ARHGAP10: variants seen among roughly 807,000 people sequenced by gnomAD.
ARHGAP10 encodes rho GTPase-activating protein 10.
Under a neutral mutation model 108.6 loss-of-function variants are expected in ARHGAP10, and 87 were observed. The ratio of observed to expected loss-of-function variants is 0.80; its 90% confidence interval spans 0.67 to 0.96. ARHGAP10 has a LOEUF of 0.96. Among genes scored for constraint, ARHGAP10 ranks in the 40% least tolerant of loss-of-function variants. ARHGAP10 has a pLI of 0.00. For synonymous variants in ARHGAP10, 347 were observed against 341.1 expected (o/e 1.02, Z -0.19); for missense variants, 939 against 954.5 (o/e 0.98, Z 0.21).
chr4:148,063,336 C>G, intron 21 of ARHGAP10, 36 bp downstream of exon 21: 1 of 1,612,484 alleles, frequency 6.2e-7, no homozygotes, highest in Non-Finnish European at 8.5e-7. Context: ...AATATGGTGG[C>G]AGCACACACA....
intron 7 of ARHGAP10, among the ~76,000 whole-genome samples, chr4:147,870,020 G>T (rs1307141954): frequency 8.6e-5 from 13 of 151,610 alleles, no homozygotes; most frequent in East Asian, 1.9e-4. Context: ...GTGTGTGTGT[G>T]TGTGTGTGTG....
intron 18 of ARHGAP10, among the ~76,000 whole-genome samples, chr4:147,987,218 T>G (rs1237685751): frequency 1.3e-5 from 2 of 152,204 alleles, no homozygotes; most frequent in African/African-American, 2.4e-5. Flanking sequence ...TTCAGCAAAA[T>G]CATTGTAATT....
chr4:147,970,847 G>A (rs776118486), intron 18 of ARHGAP10, among the ~76,000 whole-genome samples: 28 of 152,142 alleles, frequency 1.8e-4, no homozygotes, highest in Non-Finnish European at 3.5e-4. Context: ...CAGCACTTCG[G>A]GAGGCCAAGG....
rs1727414645 is a variant in ARHGAP10 at position 148,026,047 on chromosome 4, A to G, written c.1867+2634A>G. ...AATACAGGATGAATAGTTTTTGCTT[A>G]TAAGTTAGGTGTAGACTATCTGCCA... On this transcript the variant is annotated intron_variant, in intron 19 of 22. Coordinates refer to ENST00000336498, the MANE Select transcript of ARHGAP10 (RefSeq NM_024605.4). Among the ~76,000 whole-genome samples, 5 of 152,314 alleles carry G rather than the reference A, an allele frequency of 3.3e-5. No individual in the cohort carries two copies. In the South Asian group the frequency reaches 1.0e-3, roughly 32 times the overall value.
At chr4:148,043,641 A>ATATATATATATATATATATATG (rs1245239935) in intron 19 of ARHGAP10, among the ~76,000 whole-genome samples, 11 of 121,638 alleles carry the variant, frequency 9.0e-5, no homozygotes, top group African/African-American at 3.2e-4. Flanking sequence ...ATATATATAT[A>ATATATATATATATATATATATG]TATATATATA....
chr4:148,002,610 G>A (rs566784052), intron 18 of ARHGAP10, among the ~76,000 whole-genome samples: 1 of 151,978 alleles, frequency 6.6e-6, no homozygotes, highest in Non-Finnish European at 1.5e-5. Context: ...TGGTCTATTC[G>A]GGGATTCAGC....
chr4:147,916,096 CATTAATAACT>C (rs1369191853), intron 13 of ARHGAP10, among the ~76,000 whole-genome samples: 2 of 152,162 alleles, frequency 1.3e-5, no homozygotes, highest in African/African-American at 2.4e-5. Context: ...TGGTAAATAG[CATTAATAACT>C]ATTGTACACT....
intron 1 of ARHGAP10, among the ~76,000 whole-genome samples, chr4:147,784,114 A>T (rs903486820): frequency 7.2e-5 from 8 of 111,212 alleles, no homozygotes; most frequent in Non-Finnish European, 1.0e-4. Flanking sequence ...GTATTATATA[A>T]TTTACATAAC....
At chr4:147,796,248 G>T (rs1474412036) in intron 1 of ARHGAP10, among the ~76,000 whole-genome samples, 1 of 152,126 alleles carries the variant, frequency 6.6e-6, no homozygotes, top group Non-Finnish European at 1.5e-5. Flanking sequence ...ATGCAATAGG[G>T]ATAGAAAGAT....
chr4:147,898,258 T>C (rs1283167623), intron 10 of ARHGAP10, among the ~76,000 whole-genome samples: 2 of 152,192 alleles, frequency 1.3e-5, no homozygotes, highest in South Asian at 2.1e-4. Context: ...ATGTCTTTTA[T>C]ATTGCCTTCA....
rs1231649073 is a variant in ARHGAP10, at chr4:147,823,786, A to AAAAAAC, written c.312+831_312+836dup. Among the ~76,000 whole-genome samples, 4 of 152,126 alleles carry AAAAAAC rather than the reference A, an allele frequency of 2.6e-5. No individual in the cohort carries two copies. The East Asian group carries it at 5.8e-4, about 22-fold the overall frequency. ...AAAAAGAAAAAACAAAACAAAAAAC[A>AAAAAAC]AAAAACAGCTGTCCCCCATGGGGTG... On this transcript the variant is annotated intron_variant, in intron 3 of 22. Transcript: ENST00000336498.
At chr4:147,949,695 G>A (rs1047336338) in intron 15 of ARHGAP10, among the ~76,000 whole-genome samples, 5 of 152,156 alleles carry the variant, frequency 3.3e-5, no homozygotes, top group Non-Finnish European at 5.9e-5. Context: ...ACCAAGAGAC[G>A]TACTGCCACT....
intron 1 of ARHGAP10, among the ~76,000 whole-genome samples, chr4:147,807,246 A>G (rs1731823842): frequency 6.6e-6 from 1 of 152,180 alleles, no homozygotes; most frequent in Non-Finnish European, 1.5e-5. Context: ...AAGGATTAGG[A>G]ATGATTTTTA....
intron 20 of ARHGAP10, 86 bp from the exon 21 acceptor site, chr4:148,063,062 C>G: frequency 2.0e-6 from 3 of 1,494,750 alleles, no homozygotes; most frequent in Non-Finnish European, 2.8e-6. Flanking sequence ...AATTAGTGAC[C>G]TAGTCATCTG....
intron 18 of ARHGAP10, among the ~76,000 whole-genome samples, chr4:148,013,746 C>G (rs893975166): frequency 6.6e-6 from 1 of 152,032 alleles, no homozygotes; most frequent in African/African-American, 2.4e-5. Flanking sequence ...GGCTTGTATT[C>G]CAAAAGAAAA....
chr4:148,050,660 A>G (rs914415898), intron 20 of ARHGAP10, among the ~76,000 whole-genome samples: 2 of 152,024 alleles, frequency 1.3e-5, no homozygotes, highest in East Asian at 1.9e-4. Context: ...GGTGTGAGCC[A>G]CCGTGCCCGG....
chr4:147,842,517 G>A (rs1009052133), intron 3 of ARHGAP10, among the ~76,000 whole-genome samples: 7 of 152,052 alleles, frequency 4.6e-5, no homozygotes, highest in Admixed American at 3.3e-4. Flanking sequence ...GAGACCATCC[G>A]ATATCTCTAG....
intron 1 of ARHGAP10, among the ~76,000 whole-genome samples, chr4:147,787,060 C>T (rs868398912): frequency 1.3e-5 from 2 of 152,118 alleles, no homozygotes; most frequent in African/African-American, 4.8e-5. Context: ...CTGGAGTGCT[C>T]GGCCTGTGTG....
chr4:148,028,912 A>G (rs1728001295), intron 19 of ARHGAP10, among the ~76,000 whole-genome samples: 2 of 152,190 alleles, frequency 1.3e-5, no homozygotes, highest in Admixed American at 1.3e-4. Context: ...TCATAGGTAA[A>G]TCTATCATTG....
Sources: allele counts gnomAD v4.1 joint callset (sites outside exome capture counted in the v4.1 genomes callset), GRCh38; gene constraint gnomAD v4.1.1; transcripts MANE v1.5; gene names NCBI Gene and HGNC (gene_info 2026-07-23, HGNC 2026-07-21).